Variants in MDM1 observed in about 807,000 individuals in gnomAD.
MDM1 encodes the protein stabilizer of axonemal microtubules 6.
In MDM1, 61 loss-of-function variants were observed where a neutral mutation model predicts 89.1. The observed-to-expected ratio is 0.68, with a 90% CI of 0.56 to 0.85. The LOEUF (loss-of-function observed/expected upper bound fraction) is 0.85. Ranked by LOEUF, MDM1 falls within the 40% of genes least tolerant of loss-of-function variation. The pLI, the probability that MDM1 is intolerant of heterozygous loss-of-function variation, is 0.00. For missense variants in MDM1, 820 were observed against 846.5 expected (o/e 0.97, Z 0.39); for synonymous variants, 290 against 294.1 (o/e 0.99, Z 0.14).
chr12:68,323,768 A>G, intron 4 of MDM1, among the ~76,000 whole-genome samples: 1 of 152,204 alleles, frequency 6.6e-6, no homozygotes. Context: ...ATTTCACGGC[A>G]TATTACCACT....
chr12:68,332,242 G>T lies in MDM1; in HGVS notation c.4C>A (p.Pro2Thr). Reference sequence around the variant, plus strand: ...CCCAGCCTCACCTTGAAGCGCACCGGCATGTCGCCCGGCGCCGGAGCCCCC... The same window carrying T: ...CCCAGCCTCACCTTGAAGCGCACCGTCATGTCGCCCGGCGCCGGAGCCCCC... M[P>T]VRFKGLSEYQ... is the part of the protein sequence containing the mutation. Residue 2 changes from proline to threonine, a missense_variant, in exon 1 of 15, where the codon CCG becomes ACG. Physicochemically the swap from Pro to Thr is conservative, Grantham distance 38. Transcript: ENST00000682720. 1 of 1,582,284 alleles carries T rather than the reference G, an allele frequency of 6.3e-7. No individual in the cohort carries two copies. Among genetic ancestry groups the T allele is most frequent in the Admixed American group, 1.8e-5 (1 of 56,406 alleles).
chr12:68,324,123 T>A (rs74100607), intron 4 of MDM1, among the ~76,000 whole-genome samples: 1 of 152,158 alleles, frequency 6.6e-6, no homozygotes, highest in Non-Finnish European at 1.5e-5. Context: ...AAAAAAAGTA[T>A]GTGAAACACT....
chr12:68,297,370 C>A (rs1440392400), intron 13 of MDM1, among the ~76,000 whole-genome samples: 1 of 152,090 alleles, frequency 6.6e-6, no homozygotes, highest in African/African-American at 2.4e-5. Context: ...AGAATGGGAG[C>A]AAATAAGACA....
At chr12:68,309,230 C>G (rs12370928) in intron 12 of MDM1, among the ~76,000 whole-genome samples, 36,739 of 152,176 alleles carry the variant, frequency 0.24, 4,921 homozygotes, top group Middle Eastern at 0.45. Flanking sequence ...TTTCCTCAAA[C>G]TCTACATTGT....
intron 14 of MDM1, 46 bp downstream of exon 14, chr12:68,296,877 C>A (rs778311023): frequency 7.4e-7 from 1 of 1,349,334 alleles, no homozygotes; most frequent in South Asian, 1.4e-5. Context: ...ATTATACTCT[C>A]ATAGACTAGA....
intron 10 of MDM1, among the ~76,000 whole-genome samples, chr12:68,314,594 T>C (rs946570871): frequency 4.6e-5 from 7 of 152,266 alleles, no homozygotes; most frequent in Admixed American, 1.3e-4. Flanking sequence ...TTATCTTTTT[T>C]GGTAGAATCA....
In MDM1 at chr12:68,313,615, A is replaced by G. The variant is rs775778467; in HGVS notation, c.1639+29T>C. The G allele has an allele frequency of 2.5e-6, 4 of 1,608,090 alleles. No homozygotes were observed. In the Middle Eastern group the frequency reaches 5.0e-4, roughly 199 times the overall value. On this transcript the variant is annotated intron_variant, in intron 11 of 14. Transcript: ENST00000682720. ...TTAACATGTAGAAAAAGCAGGTTAA[A>G]TAAGAACTGCACGGTGTTTGCCGAT...
intron 3 of MDM1, chr12:68,325,809 T>C: frequency 1.7e-6 from 2 of 1,149,306 alleles, no homozygotes; most frequent in Non-Finnish European, 2.1e-6. Context: ...CAAAGGACTA[T>C]TAGGCATCCC....
chr12:68,296,270 T>C (rs542427343), intron 14 of MDM1, among the ~76,000 whole-genome samples: 5 of 152,224 alleles, frequency 3.3e-5, no homozygotes, highest in South Asian at 2.1e-4. Context: ...GAGGCCAAGG[T>C]GGGCGGATCA....
In MDM1 at chr12:68,328,662, A is replaced by G. The variant is rs188224392; in HGVS notation, c.134-1641T>C. Among the ~76,000 whole-genome samples, 683 of 150,606 alleles carry G rather than the reference A, an allele frequency of 4.5e-3. 5 individuals are homozygous for G. Among genetic ancestry groups the G allele is most frequent in the African/African-American group, 0.016 (649 of 41,168 alleles). On this transcript the variant is annotated intron_variant, in intron 2 of 14. Transcript: ENST00000682720. Reference sequence around the variant, plus strand: ...AAGCAAAAAAGCTTGAAGATCACCAATTAGACTCCTCTCTGCTTTAACACA... The same window carrying G: ...AAGCAAAAAAGCTTGAAGATCACCAGTTAGACTCCTCTCTGCTTTAACACA...
intron 12 of MDM1, among the ~76,000 whole-genome samples, chr12:68,306,929 T>C (rs1169401116): frequency 2.0e-5 from 3 of 152,138 alleles, no homozygotes; most frequent in Non-Finnish European, 4.4e-5. Flanking sequence ...AGCAAACTCA[T>C]GGAATCAGCC....
chr12:68,301,718 G>A (rs1358155793), intron 13 of MDM1, among the ~76,000 whole-genome samples: 1 of 152,068 alleles, frequency 6.6e-6, no homozygotes, highest in East Asian at 1.9e-4. Context: ...CATCTGAATA[G>A]GAGCCCTAGA....
Position 68,302,635 on chromosome 12 carries a change from CTG to C in MDM1, c.1985_1986del (p.Pro662ArgfsTer20). 1 of 1,612,694 alleles carries C rather than the reference CTG, an allele frequency of 6.2e-7. No individual in the cohort carries two copies. Among genetic ancestry groups the C allele is most frequent in the Non-Finnish European group, 8.5e-7 (1 of 1,179,296 alleles). On this transcript the variant is annotated frameshift_variant, in exon 13 of 15. Coordinates refer to ENST00000682720, the MANE Select transcript of MDM1 (RefSeq NM_001354969.2). LOFTEE classifies it high-confidence loss of function. ...AAATAATTACCATTGTGCTGAAACT[CTG>C]GATCTCTAAGAGAGCCCTGAATTCG... ...SRRIQGSLRD[P>X]EFQHNVGKAR...
intron 12 of MDM1, among the ~76,000 whole-genome samples, chr12:68,305,084 C>T (rs554648575): frequency 6.6e-6 from 1 of 152,092 alleles, no homozygotes; most frequent in South Asian, 2.1e-4. Context: ...ATACTGGTTT[C>T]GTAGAATGTG....
intron 12 of MDM1, 36 bp downstream of exon 12, chr12:68,313,407 C>G: frequency 7.2e-7 from 1 of 1,394,902 alleles, no homozygotes; most frequent in Non-Finnish European, 1.0e-6. Context: ...ATAATTAGTC[C>G]TAGATGAGAT....
At position 68,315,217 on chromosome 12, in the gene MDM1, T is replaced by C; in HGVS notation, c.1260A>G (p.Pro420=). The change falls in exon 10 of 15, where the codon CCA becomes CCG. Residue 420 remains proline (P), a synonymous_variant. Coordinates refer to ENST00000682720, the MANE Select transcript of MDM1 (RefSeq NM_001354969.2). Reference sequence around the variant, plus strand: ...CTTCCACGATATTTCCTTTTTCTTCTGGTTCTGTAGAAGGACATTTCTGCA... The same window carrying C: ...CTTCCACGATATTTCCTTTTTCTTCCGGTTCTGTAGAAGGACATTTCTGCA... ...KTLQKCPSTE[P]EEKGNIVEEQ... is the part of the protein sequence containing the mutation. 1.2e-6 allele frequency: 2 copies of C among 1,614,224 alleles called. No homozygotes were observed. The highest frequency in any genetic ancestry group is 2.2e-5 in the East Asian group (1 of 44,882).
At chr12:68,323,583 T>TC (rs1875542102) in intron 4 of MDM1, among the ~76,000 whole-genome samples, 1 of 152,174 alleles carries the variant, frequency 6.6e-6, no homozygotes, top group African/African-American at 2.4e-5. Context: ...CTTCCTGCCT[T>TC]AATAGAAAAT....
rs750866814 is a variant in MDM1, at chr12:68,327,014, C to G, written c.141G>C (p.Thr47=). 7 of 1,590,154 alleles carry G rather than the reference C, an allele frequency of 4.4e-6. No homozygotes were observed. The highest frequency in any genetic ancestry group is 2.7e-5 in the African/African-American group (2 of 73,540). The stretch of plus-strand genomic sequence containing the variant: ...TTTTTGAAATAAAACTTGGCTCTTT[C>G]GTGATGCCTACAAAACACGGTATAC... ...AGLRSDQLGI[T]KEPSFISKRR... is the part of the protein sequence containing the mutation. The change falls in exon 3 of 15, where the codon ACG becomes ACC. Residue 47 remains threonine (T), a synonymous_variant. Coordinates refer to ENST00000682720, the MANE Select transcript of MDM1 (RefSeq NM_001354969.2).
Position 68,326,945 on chromosome 12 carries a change from C to T in MDM1, c.210G>A (p.Glu70=), listed in dbSNP as rs148961589. The T allele has an allele frequency of 2.8e-4, 448 of 1,613,838 alleles. 1 individual carries two copies. Among genetic ancestry groups the T allele is most frequent in the Non-Finnish European group, 2.2e-4 (256 of 1,179,998 alleles). ...TGCTCTCTGAGATAGCTCCATTCCACTCCAGAGATTTTGAAATCTGTGGGT... is the reference window on the plus strand; with the variant it reads ...TGCTCTCTGAGATAGCTCCATTCCATTCCAGAGATTTTGAAATCTGTGGGT... ...YHDPQISKSL[E]WNGAISESNV... The change falls in exon 3 of 15, where the codon GAG becomes GAA. Residue 70 remains glutamate (E), a synonymous_variant. Coordinates refer to ENST00000682720, the MANE Select transcript of MDM1 (RefSeq NM_001354969.2).
Sources: gnomAD v4.1 joint callset for allele counts (sites outside exome capture counted in the v4.1 genomes callset) on GRCh38, gnomAD v4.1.1 for gene constraint, MANE v1.5 for transcripts, NCBI Gene and HGNC (gene_info 2026-07-23, HGNC 2026-07-21) for gene names.